CARMIL1: variants seen among roughly 807,000 people sequenced by gnomAD.
CARMIL1 encodes the protein capping protein regulator and myosin 1 linker 1.
CARMIL1 carries 90 observed loss-of-function variants against 177.1 expected under a neutral mutation model. The observed-to-expected ratio is 0.51, with a 90% CI of 0.43 to 0.61. The LOEUF (loss-of-function observed/expected upper bound fraction) is 0.61. Ranked by LOEUF, CARMIL1 falls within the 20% of genes least tolerant of loss-of-function variation. The pLI, the probability that CARMIL1 is intolerant of heterozygous loss-of-function variation, is 0.00. For missense variants in CARMIL1, 1,380 were observed against 1,667.0 expected (o/e 0.83, Z 3.00); for synonymous variants, 577 against 606.2 (o/e 0.95, Z 0.71).
intron 12 of CARMIL1, among the ~76,000 whole-genome samples, chr6:25,482,562 AT>A (rs1369444890): frequency 1.3e-5 from 2 of 152,218 alleles, no homozygotes; most frequent in African/African-American, 4.8e-5. Context: ...TAATTTTGAC[AT>A]GTACATGCAG....
intron 8 of CARMIL1, among the ~76,000 whole-genome samples, chr6:25,453,464 T>G (rs1361776389): frequency 2.0e-5 from 3 of 152,172 alleles, no homozygotes; most frequent in Non-Finnish European, 4.4e-5. Flanking sequence ...CCCTTTGATA[T>G]ATAGAGGAAC....
At chr6:25,488,609 A>G in intron 13 of CARMIL1, 24 bp downstream of exon 13, 1 of 1,543,814 alleles carries the variant, frequency 6.5e-7, no homozygotes, top group African/African-American at 1.4e-5. Flanking sequence ...TCTTTATTCC[A>G]TCTTCGAAGA....
intron 2 of CARMIL1, among the ~76,000 whole-genome samples, chr6:25,305,518 A>G (rs1164344849): frequency 3.9e-5 from 6 of 152,190 alleles, no homozygotes; most frequent in African/African-American, 1.4e-4. Flanking sequence ...GATATTGCTG[A>G]GCAGATAAAA....
In CARMIL1 at chr6:25,281,115, CGCACGCGCGTGT is replaced by C. The variant is rs930024954; in HGVS notation, c.40+1283_40+1294del. Among the ~76,000 whole-genome samples the C allele has an allele frequency of 2.5e-4, 32 of 127,254 alleles. No individual in the cohort carries two copies. In the East Asian group the frequency reaches 5.1e-3, roughly 20 times the overall value. 83.5% of individuals were successfully genotyped at this position (127,254 alleles called of 152,430 possible). A position where few individuals can be genotyped will look rare whatever the true frequency, so the allele number is the denominator to read the frequency against. ...TTTACAGTATGAAATTATTCACAGACGCACGCGCGTGTGCGCGCGCGCACACACACACACACA... is the reference window on the plus strand; with the variant it reads ...TTTACAGTATGAAATTATTCACAGACGCGCGCGCGCACACACACACACACA... On this transcript the variant is annotated intron_variant, in intron 1 of 36. Transcript: ENST00000329474.
intron 2 of CARMIL1, among the ~76,000 whole-genome samples, chr6:25,320,493 C>CT (rs1022612687): frequency 2.6e-5 from 4 of 152,210 alleles, no homozygotes; most frequent in African/African-American, 9.7e-5. Context: ...CTATTGAGTG[C>CT]TTATCATTTG....
chr6:25,345,592 A>C (rs1787423610), intron 2 of CARMIL1, among the ~76,000 whole-genome samples: 1 of 152,104 alleles, frequency 6.6e-6, no homozygotes, highest in African/African-American at 2.4e-5. Context: ...CACTTACTTA[A>C]GAGAAGACAT....
chr6:25,600,810 A>G (rs541085739), intron 33 of CARMIL1, 64 bp downstream of exon 33: 4 of 1,325,486 alleles, frequency 3.0e-6, no homozygotes, highest in Non-Finnish European at 4.0e-6. Context: ...ACACATTTTC[A>G]TGGTGCATGT....
At chr6:25,341,493 G>A (rs1473907337) in intron 2 of CARMIL1, among the ~76,000 whole-genome samples, 1 of 152,210 alleles carries the variant, frequency 6.6e-6, no homozygotes, top group Non-Finnish European at 1.5e-5. Flanking sequence ...GGAGGCTGAG[G>A]CGGGTGGATC....
intron 2 of CARMIL1, among the ~76,000 whole-genome samples, chr6:25,352,036 G>A (rs769691897): frequency 4.6e-5 from 7 of 151,528 alleles, no homozygotes; most frequent in South Asian, 4.2e-4. Context: ...TATTGTATCA[G>A]TCTCTTTTTG....
intron 32 of CARMIL1, among the ~76,000 whole-genome samples, chr6:25,595,756 A>G (rs115666495): frequency 0.02 from 2,970 of 152,270 alleles, 73 homozygotes; most frequent in African/African-American, 0.059. Context: ...TGTGTTTTCA[A>G]TGTAAAAGAT....
intron 8 of CARMIL1, among the ~76,000 whole-genome samples, chr6:25,454,440 A>T (rs1582009246): frequency 6.6e-6 from 1 of 152,216 alleles, no homozygotes. Flanking sequence ...GTCTGCTGAT[A>T]CCTGCTCTAG....
intron 2 of CARMIL1, among the ~76,000 whole-genome samples, chr6:25,344,309 A>G (rs1313084027): frequency 3.3e-5 from 5 of 151,936 alleles, no homozygotes. Flanking sequence ...CACTCACCCC[A>G]TGTCCTCACT....
At chr6:25,366,419 T>C (rs1299653032) in intron 2 of CARMIL1, among the ~76,000 whole-genome samples, 3 of 152,096 alleles carry the variant, frequency 2.0e-5, no homozygotes, top group Non-Finnish European at 4.4e-5. Flanking sequence ...TTTCTGTGTC[T>C]GTGCCTGACA....
chr6:25,293,541 T>C (rs1782154636), intron 2 of CARMIL1, among the ~76,000 whole-genome samples: 2 of 151,704 alleles, frequency 1.3e-5, no homozygotes, highest in African/African-American at 4.8e-5. Context: ...CATGCCACCA[T>C]GCCGAATTTT....
At chr6:25,282,597 A>G (rs1211409171) in intron 1 of CARMIL1, among the ~76,000 whole-genome samples, 2 of 152,192 alleles carry the variant, frequency 1.3e-5, no homozygotes, top group African/African-American at 4.8e-5. Context: ...TTAAACATAT[A>G]TTTGTTAAAC....
intron 23 of CARMIL1, among the ~76,000 whole-genome samples, chr6:25,520,778 C>T (rs955602420): frequency 1.3e-5 from 2 of 152,156 alleles, no homozygotes; most frequent in East Asian, 1.9e-4. Context: ...TGTAAATCTA[C>T]ACCTATTCCT....
chr6:25,438,024 A>G (rs1797383491), intron 5 of CARMIL1, among the ~76,000 whole-genome samples: 1 of 152,210 alleles, frequency 6.6e-6, no homozygotes, highest in African/African-American at 2.4e-5. Flanking sequence ...TTCCTGATAA[A>G]ATGTAAATTG....
In CARMIL1 at chr6:25,515,457, G is replaced by A. The variant is rs1008344641; in HGVS notation, c.1633-218G>A. Among the ~76,000 whole-genome samples, 3 of 152,122 alleles carry A rather than the reference G, an allele frequency of 2.0e-5. No individual in the cohort carries two copies. The highest frequency in any genetic ancestry group is 7.2e-5 in the African/African-American group (3 of 41,428). On this transcript the variant is annotated intron_variant, in intron 20 of 36. Coordinates refer to ENST00000329474, the MANE Select transcript of CARMIL1 (RefSeq NM_017640.6). The surrounding 1 kb of genome is among the most constrained non-coding windows in gnomAD (Gnocchi z 5.0). ...GCTTCCCTTAAAAGAGAAGTGGTAG[G>A]TATTCAGCATTAAAACACAAGTTCT...
Position 25,347,973 on chromosome 6 carries a change from C to T in CARMIL1, c.138+63064C>T, listed in dbSNP as rs77856043. Among the ~76,000 whole-genome samples, 18 of 152,218 alleles carry T rather than the reference C, an allele frequency of 1.2e-4. No individual in the cohort carries two copies. The East Asian group carries it at 3.3e-3, about 28-fold the overall frequency. ...AAGTCATGAGAGTGTACAGTAAGTC[C>T]TCACTTAATGTCATCGATAGGGTCT... On this transcript the variant is annotated intron_variant, in intron 2 of 36. Transcript: ENST00000329474.
Sources: gnomAD v4.1 joint callset for allele counts (sites outside exome capture counted in the v4.1 genomes callset) on GRCh38, gnomAD v4.1.1 for gene constraint, Gnocchi (gnomAD v3.1) non-coding constraint, MANE v1.5 for transcripts, NCBI Gene and HGNC (gene_info 2026-07-23, HGNC 2026-07-21) for gene names.